MEIS1: variants seen among roughly 807,000 people sequenced by gnomAD.
MEIS1 encodes homeobox protein Meis1.
In MEIS1, 5 loss-of-function variants were observed where a neutral mutation model predicts 50.8. The ratio of observed to expected loss-of-function variants is 0.10; its 90% CI spans 0.05 to 0.21. The LOEUF (loss-of-function observed/expected upper bound fraction) is 0.21, where lower values mean the gene tolerates loss of function less well. Among genes scored for constraint, MEIS1 ranks in the 10% least tolerant of loss-of-function variants. The pLI is 1.00. For synonymous variants in MEIS1, 176 were observed against 179.3 expected (o/e 0.98, Z 0.15); for missense variants, 318 against 517.3 (o/e 0.61, Z 3.74).
intron 7 of MEIS1, among the ~76,000 whole-genome samples, chr2:66,492,590 A>G (rs1673299461): frequency 6.6e-6 from 1 of 152,160 alleles, no homozygotes; most frequent in African/African-American, 2.4e-5. Context: ...AGTATGCAAA[A>G]GCTTGTTTCT....
intron 6 of MEIS1, among the ~76,000 whole-genome samples, chr2:66,452,478 T>C (rs1672298226): frequency 6.6e-6 from 1 of 151,882 alleles, no homozygotes; most frequent in African/African-American, 2.4e-5. Flanking sequence ...CAGATAAATA[T>C]TATCTCTTAT....
In MEIS1 at chr2:66,573,014, C is replaced by CTG; in HGVS notation, c.*1807_*1808insGT. ...AATTACATCCAACAGAATTACTCATCTAATATCAGTGAAATTATTCTTGCA... is the reference window on the plus strand; with the variant it reads ...AATTACATCCAACAGAATTACTCATCTGTAATATCAGTGAAATTATTCTTGCA... On this transcript the variant is annotated 3_prime_UTR_variant, in exon 13 of 13. Transcript: ENST00000272369. 6.6e-6 allele frequency: 1 copy of CTG among 152,276 alleles called. No individual in the cohort carries two copies. The highest frequency in any genetic ancestry group is 6.5e-5 in the Admixed American group (1 of 15,296). 9.4% of individuals were successfully genotyped at this position (152,276 alleles called of 1,614,324 possible). A position where few individuals can be genotyped will look rare whatever the true frequency, so the allele number is the denominator to read the frequency against.
chr2:66,536,364 T>C (rs1192466746), intron 8 of MEIS1, among the ~76,000 whole-genome samples: 2 of 152,228 alleles, frequency 1.3e-5, no homozygotes, highest in African/African-American at 2.4e-5. Flanking sequence ...GGTCTGCATT[T>C]TAAGAGACAG....
chr2:66,473,397 A>AATATATATATATAT (rs1553373466), intron 7 of MEIS1, among the ~76,000 whole-genome samples: 65 of 107,370 alleles, frequency 6.1e-4, no homozygotes, highest in African/African-American at 2.7e-3. Flanking sequence ...AAAAAAAAAA[A>AATATATATATATAT]ATATATATAT....
At chr2:66,491,559 A>G (rs545134478) in intron 7 of MEIS1, among the ~76,000 whole-genome samples, 1 of 152,280 alleles carries the variant, frequency 6.6e-6, no homozygotes, top group Admixed American at 6.5e-5. Flanking sequence ...TATAAACAAC[A>G]TTGTTTACGC....
chr2:66,462,921 A>G (rs1225692763), intron 6 of MEIS1, among the ~76,000 whole-genome samples: 1 of 152,086 alleles, frequency 6.6e-6, no homozygotes, highest in Middle Eastern at 3.2e-3. Context: ...ACAGTGATGC[A>G]TCTTGTTCAG....
At chr2:66,439,796 T>C in intron 2 of MEIS1, 47 bp from the exon 3 acceptor site, 2 of 1,608,790 alleles carry the variant, frequency 1.2e-6, no homozygotes, top group Admixed American at 1.7e-5. Context: ...TTCCATTGAC[T>C]GGGGACTAAC....
intron 9 of MEIS1, among the ~76,000 whole-genome samples, chr2:66,560,415 G>A (rs1399572400): frequency 6.6e-6 from 1 of 151,306 alleles, no homozygotes; most frequent in Non-Finnish European, 1.5e-5. Flanking sequence ...GTGAAACCTT[G>A]TCTCTACAAA....
chr2:66,537,065 T>G (rs1052708297), intron 8 of MEIS1, among the ~76,000 whole-genome samples: 2 of 152,200 alleles, frequency 1.3e-5, no homozygotes, highest in African/African-American at 4.8e-5. Flanking sequence ...GTTCACATAC[T>G]TGGCTGAGGG....
chr2:66,515,486 A>C (rs1003080619), intron 8 of MEIS1, among the ~76,000 whole-genome samples: 6 of 152,188 alleles, frequency 3.9e-5, no homozygotes, highest in African/African-American at 1.4e-4. Context: ...AGTTATCCAC[A>C]GGTAGACTTA....
chr2:66,495,452 C>G (rs906891108), intron 7 of MEIS1, among the ~76,000 whole-genome samples: 7 of 152,006 alleles, frequency 4.6e-5, no homozygotes, highest in Non-Finnish European at 8.8e-5. Flanking sequence ...AACTTATTGC[C>G]CCAAATATAA....
At chr2:66,485,334 T>TA (rs1673116554) in intron 7 of MEIS1, among the ~76,000 whole-genome samples, 1 of 152,168 alleles carries the variant, frequency 6.6e-6, no homozygotes, top group African/African-American at 2.4e-5. Context: ...ACCTCCCACT[T>TA]ATGAGTGAGA....
chr2:66,564,730 T>A (rs1478699606), intron 9 of MEIS1, among the ~76,000 whole-genome samples: 2 of 152,130 alleles, frequency 1.3e-5, no homozygotes, highest in Admixed American at 6.5e-5. Flanking sequence ...GTTTTTTTTT[T>A]TTTTAATTAT....
At chr2:66,540,873 T>G (rs1488346672) in intron 8 of MEIS1, among the ~76,000 whole-genome samples, 12 of 152,028 alleles carry the variant, frequency 7.9e-5, no homozygotes. Context: ...TGTAAGCAAC[T>G]TTAAAAAAAA....
chr2:66,501,555 T>G (rs994399259), intron 7 of MEIS1, among the ~76,000 whole-genome samples: 1 of 152,102 alleles, frequency 6.6e-6, no homozygotes, highest in Non-Finnish European at 1.5e-5. Context: ...GCAACCAATT[T>G]GCTGTTGTTC....
chr2:66,531,280 A>G (rs2103894307), intron 8 of MEIS1, among the ~76,000 whole-genome samples: 1 of 152,318 alleles, frequency 6.6e-6, no homozygotes, highest in Admixed American at 6.5e-5. Flanking sequence ...GCTTCATGAA[A>G]TAAAATGGTA....
At chr2:66,531,800 G>C (rs1674397735) in intron 8 of MEIS1, among the ~76,000 whole-genome samples, 2 of 152,208 alleles carry the variant, frequency 1.3e-5, no homozygotes, top group South Asian at 4.1e-4. Context: ...GCAGGGCCAA[G>C]GATGCGGCGG....
chr2:66,514,781 C>T (rs1296089876), intron 8 of MEIS1, among the ~76,000 whole-genome samples: 1 of 152,168 alleles, frequency 6.6e-6, no homozygotes, highest in East Asian at 1.9e-4. Flanking sequence ...AAGATTCCTT[C>T]CCACTTCTCT....
Position 66,512,219 on chromosome 2 carries a change from G to A in MEIS1, c.813G>A (p.Lys271=), listed in dbSNP as rs1673848248. 1.2e-6 allele frequency: 2 copies of A among 1,612,598 alleles called. No homozygotes were observed. Among genetic ancestry groups the A allele is most frequent in the Non-Finnish European group, 8.5e-7 (1 of 1,179,416 alleles). Residue 271 remains lysine (K), a synonymous_variant, in exon 8 of 13, where the codon AAG becomes AAA. Transcript: ENST00000272369. ...GDDDDPDKDK[K]RHKKRGIFPK... ...ATGATGACCCTGATAAGGACAAAAA[G>A]CGTCACAAAAAGCGTGGCATCTTTC...
Sources: gnomAD v4.1 joint callset for allele counts (sites outside exome capture counted in the v4.1 genomes callset) on GRCh38, gnomAD v4.1.1 for gene constraint, MANE v1.5 for transcripts, NCBI Gene and HGNC (gene_info 2026-07-23, HGNC 2026-07-21) for gene names.